MKLN1: variants seen among roughly 807,000 people sequenced by gnomAD.
MKLN1 encodes the protein muskelin 1, also known as muskelin.
MKLN1 carries 18 observed loss-of-function variants against 99.0 expected under a neutral mutation model. The observed-to-expected ratio is 0.18, with a 90% CI of 0.13 to 0.27. MKLN1 has a LOEUF of 0.27. Among genes scored for constraint, MKLN1 ranks in the 10% least tolerant of loss-of-function variants. The pLI is 1.00. For synonymous variants in MKLN1, 288 were observed against 293.2 expected (o/e 0.98, Z 0.18); for missense variants, 621 against 875.9 (o/e 0.71, Z 3.67).
In MKLN1 at chr7:131,414,598, G is replaced by T; in HGVS notation, c.782-47G>T. 3 of 1,299,794 alleles carry T rather than the reference G, an allele frequency of 2.3e-6. No homozygotes were observed. The South Asian group carries it at 3.8e-5, about 16-fold the overall frequency. 80.5% of individuals were successfully genotyped at this position (1,299,794 alleles called of 1,614,324 possible). A position where few individuals can be genotyped will look rare whatever the true frequency, so the allele number is the denominator to read the frequency against. On this transcript the variant is annotated intron_variant, in intron 7 of 17. Transcript: ENST00000352689. The stretch of plus-strand genomic sequence containing the variant: ...TTATGAATAAATTTACTCTGGATAT[G>T]CTGTTCTTTGTTATTCCTTTAAAAG...
intron 8 of MKLN1, among the ~76,000 whole-genome samples, chr7:131,416,133 T>G (rs1478182948): frequency 6.6e-6 from 1 of 152,212 alleles, no homozygotes; most frequent in East Asian, 1.9e-4. Flanking sequence ...TTTGCTATAA[T>G]AATATACTAA....
At chr7:131,253,340 G>T (rs1487139599) in intron 3 of MKLN1, among the ~76,000 whole-genome samples, 8 of 152,176 alleles carry the variant, frequency 5.3e-5, no homozygotes, top group Non-Finnish European at 1.0e-4. Flanking sequence ...TATCTCCCTG[G>T]GGAGGGGCAG....
chr7:131,454,114 A>T (rs1266784368), intron 12 of MKLN1, among the ~76,000 whole-genome samples: 2 of 150,594 alleles, frequency 1.3e-5, no homozygotes, highest in African/African-American at 2.4e-5. Flanking sequence ...TACAAAAAAT[A>T]TATTTTTTTG....
At chr7:131,422,845 C>T (rs1795246262) in intron 8 of MKLN1, among the ~76,000 whole-genome samples, 1 of 152,002 alleles carries the variant, frequency 6.6e-6, no homozygotes, top group South Asian at 2.1e-4. Flanking sequence ...TTTCTTCCCT[C>T]CTAAGGGAAT....
chr7:131,360,176 C>G (rs1015510377), intron 1 of MKLN1, among the ~76,000 whole-genome samples: 6 of 152,110 alleles, frequency 3.9e-5, no homozygotes, highest in Admixed American at 3.3e-4. Context: ...TTATATTCAC[C>G]TATTTGTATC....
chr7:131,133,220 A>G (rs964875057), intron 1 of MKLN1, among the ~76,000 whole-genome samples: 9 of 151,662 alleles, frequency 5.9e-5, no homozygotes, highest in African/African-American at 2.2e-4. Context: ...TCCTTGCCCA[A>G]TTCCACCTTC....
chr7:131,130,028 G>A (rs192609348), intron 1 of MKLN1, among the ~76,000 whole-genome samples: 1 of 152,286 alleles, frequency 6.6e-6, no homozygotes, highest in African/African-American at 2.4e-5. Context: ...ATAGACATGT[G>A]TGTTCTTATA....
chr7:131,311,719 G>A (rs1334217833), intron 3 of MKLN1, among the ~76,000 whole-genome samples: 1 of 152,078 alleles, frequency 6.6e-6, no homozygotes, highest in Non-Finnish European at 1.5e-5. Flanking sequence ...ATAATTCAAA[G>A]ATTGCAAAAA....
chr7:131,117,046 ACTTTTCTAGGAC>A (rs1238197018), intron 1 of MKLN1, among the ~76,000 whole-genome samples: 1 of 152,088 alleles, frequency 6.6e-6, no homozygotes, highest in Non-Finnish European at 1.5e-5. Flanking sequence ...TTGGAGGATG[ACTTTTCTAGGAC>A]CTTTTCTAGG....
intron 3 of MKLN1, among the ~76,000 whole-genome samples, chr7:131,232,163 G>A (rs888047396): frequency 1.3e-5 from 2 of 151,912 alleles, no homozygotes; most frequent in Non-Finnish European, 2.9e-5. Flanking sequence ...TTAAAAACAC[G>A]TTCTGAAATT....
chr7:131,232,761 G>A (rs1797261413), intron 3 of MKLN1, among the ~76,000 whole-genome samples: 1 of 152,152 alleles, frequency 6.6e-6, no homozygotes, highest in Non-Finnish European at 1.5e-5. Flanking sequence ...TGTGCACACA[G>A]TGAAAGGAGC....
At chr7:131,158,045 G>A (rs1350027361) in intron 2 of MKLN1, among the ~76,000 whole-genome samples, 1 of 152,200 alleles carries the variant, frequency 6.6e-6, no homozygotes, top group Non-Finnish European at 1.5e-5. Flanking sequence ...TCCTCCGCAA[G>A]CTCTTCTGTT....
At position 131,146,953 on chromosome 7, in the gene MKLN1, A is replaced by G. The variant is rs76194544; in HGVS notation, c.-297+4012A>G. Among the ~76,000 whole-genome samples the G allele has an allele frequency of 1.1e-3, 172 of 152,318 alleles. 2 individuals are homozygous for G. In the East Asian group the frequency reaches 0.03, roughly 27 times the overall value. On this transcript the variant is annotated intron_variant, in intron 2 of 7. Transcript: ENST00000416992. ...GACAAATGCTATAGCAGTTGCGTGT[A>G]TGTTTTTTAAGTATGATGGAAGCAA...
intron 2 of MKLN1, among the ~76,000 whole-genome samples, chr7:131,382,186 G>A (rs575950138): frequency 3.3e-5 from 5 of 152,080 alleles, no homozygotes; most frequent in African/African-American, 7.2e-5. Flanking sequence ...CCAACATGGC[G>A]AAACCCCATA....
intron 1 of MKLN1, among the ~76,000 whole-genome samples, chr7:131,356,736 C>T (rs144360624): frequency 6.6e-6 from 1 of 152,240 alleles, no homozygotes; most frequent in East Asian, 1.9e-4. Context: ...CGAGGATTAC[C>T]TGGAGCTTAA....
intron 3 of MKLN1, among the ~76,000 whole-genome samples, chr7:131,299,866 C>T (rs1798350008): frequency 6.6e-6 from 1 of 152,168 alleles, no homozygotes; most frequent in African/African-American, 2.4e-5. Flanking sequence ...GAAATACCAC[C>T]TCTAAAAATA....
chr7:131,185,271 C>T (rs1432150191), intron 2 of MKLN1, among the ~76,000 whole-genome samples: 2 of 152,058 alleles, frequency 1.3e-5, no homozygotes, highest in African/African-American at 4.8e-5. Context: ...CTCAAAGATG[C>T]ATCTTTTAAA....
chr7:131,326,771 G>A (rs926073326), upstream of MKLN1: 1 of 152,224 alleles, frequency 6.6e-6, no homozygotes, highest in African/African-American at 2.4e-5. Flanking sequence ...ATTACAACGG[G>A]AAGAGAATAC....
intron 1 of MKLN1, among the ~76,000 whole-genome samples, chr7:131,339,123 G>T (rs2116718758): frequency 6.6e-6 from 1 of 152,242 alleles, no homozygotes; most frequent in African/African-American, 2.4e-5. Flanking sequence ...AAGGCTTCTA[G>T]TCAACAGTAA....
Sources: gnomAD v4.1 joint callset for allele counts (sites outside exome capture counted in the v4.1 genomes callset) on GRCh38, gnomAD v4.1.1 for gene constraint, MANE v1.5 for transcripts, NCBI Gene and HGNC (gene_info 2026-07-23, HGNC 2026-07-21) for gene names.